The following RIMS2 variants were observed in gnomAD, a reference collection of about 807,000 sequenced individuals.
RIMS2 encodes regulating synaptic membrane exocytosis protein 2.
A neutral mutation model predicts 174.4 loss-of-function variants in RIMS2; 59 were observed. That is an observed-to-expected ratio of 0.34 (90% confidence interval 0.27 to 0.42). The LOEUF (loss-of-function observed/expected upper bound fraction) is 0.42. Among genes scored for constraint, RIMS2 ranks in the 10% least tolerant of loss-of-function variants. The pLI, the probability that RIMS2 is intolerant of heterozygous loss-of-function variation, is 1.00. For synonymous variants in RIMS2, 606 were observed against 572.5 expected (o/e 1.06, Z -0.84); for missense variants, 1,620 against 1,666.3 (o/e 0.97, Z 0.48).
chr8:103,621,047 T>C (rs922731970), intron 1 of RIMS2, among the ~76,000 whole-genome samples: 7 of 152,210 alleles, frequency 4.6e-5, no homozygotes, highest in African/African-American at 1.7e-4. Context: ...TTGAAAAACA[T>C]AGCCAAATAA....
intron 19 of RIMS2, among the ~76,000 whole-genome samples, chr8:104,229,858 C>T (rs1394420815): frequency 1.3e-5 from 2 of 152,188 alleles, no homozygotes; most frequent in Non-Finnish European, 2.9e-5. Flanking sequence ...TAAATTTAGT[C>T]ACCAAAAATG....
chr8:104,169,323 TATATATATATATATATAA>T (rs138551667), intron 19 of RIMS2, among the ~76,000 whole-genome samples: 62,131 of 133,194 alleles, frequency 0.47, 14,687 homozygotes, highest in East Asian at 0.67. Context: ...TATATATATA[TATATATATATATATATAA>T]AACAGATTCA....
chr8:103,790,688 T>C (rs573122455), intron 3 of RIMS2, among the ~76,000 whole-genome samples: 41 of 152,312 alleles, frequency 2.7e-4, no homozygotes, highest in African/African-American at 9.6e-4. Context: ...GCATCTTTTC[T>C]TGTGTTCAAT....
intron 1 of RIMS2, among the ~76,000 whole-genome samples, chr8:103,638,223 G>T (rs1050110425): frequency 5.9e-5 from 9 of 152,168 alleles, no homozygotes; most frequent in East Asian, 3.9e-4. Context: ...TGAAGAAAGG[G>T]TATAAAATAA....
intron 9 of RIMS2, among the ~76,000 whole-genome samples, chr8:103,919,886 A>T (rs187379596): frequency 1.3e-5 from 2 of 152,174 alleles, no homozygotes; most frequent in East Asian, 3.9e-4. Context: ...TATAATTATT[A>T]TAAAATGATA....
intron 19 of RIMS2, among the ~76,000 whole-genome samples, chr8:104,149,572 T>TAG (rs2098672580): frequency 6.6e-6 from 1 of 152,224 alleles, no homozygotes; most frequent in Admixed American, 6.5e-5. Context: ...CAAATGGGTG[T>TAG]AGATAATTAA....
rs990321968 is a variant in RIMS2 at position 104,042,400 on chromosome 8, T to C, written c.3334+27785T>C. ...GGTCAGATGTTTGTTTCTAGAAAGA[T>C]TACTTTGGCAGTTATATAAAAGATG... On this transcript the variant is annotated intron_variant, in intron 19 of 23. Coordinates refer to ENST00000504942, the Ensembl canonical transcript of RIMS2. Among the ~76,000 whole-genome samples the C allele has an allele frequency of 6.6e-5, 10 of 151,720 alleles. No homozygotes were observed. In the East Asian group the frequency reaches 1.7e-3, roughly 26 times the overall value.
intron 1 of RIMS2, among the ~76,000 whole-genome samples, chr8:103,604,166 A>G (rs201327703): frequency 1.4e-4 from 21 of 149,768 alleles, no homozygotes; most frequent in Non-Finnish European, 2.8e-4. Flanking sequence ...ATCTTGAATT[A>G]ATTTTTGTAT....
intron 19 of RIMS2, among the ~76,000 whole-genome samples, chr8:104,054,750 GTTTC>G (rs573779770): frequency 6.6e-4 from 101 of 152,084 alleles, no homozygotes; most frequent in Non-Finnish European, 8.1e-4. Context: ...TTTTAATGAT[GTTTC>G]TTTAAGTATC....
intron 19 of RIMS2, among the ~76,000 whole-genome samples, chr8:104,143,352 A>G (rs962914423): frequency 5.9e-5 from 9 of 152,226 alleles, no homozygotes; most frequent in Non-Finnish European, 8.8e-5. Context: ...AAGTTTTTAC[A>G]TAAAAGGAGA....
chr8:103,954,017 A>C (rs977099025), intron 14 of RIMS2, among the ~76,000 whole-genome samples: 1 of 152,228 alleles, frequency 6.6e-6, no homozygotes, highest in Non-Finnish European at 1.5e-5. Context: ...AGGCCATTAC[A>C]TAATGGTAAA....
intron 17 of RIMS2, among the ~76,000 whole-genome samples, chr8:104,006,927 G>C (rs977743702): frequency 1.3e-5 from 2 of 151,784 alleles, no homozygotes; most frequent in African/African-American, 4.8e-5. Flanking sequence ...AATTTATATG[G>C]TGATTTGTCA....
At chr8:103,724,445 T>C (rs937408554) in intron 2 of RIMS2, among the ~76,000 whole-genome samples, 1 of 152,142 alleles carries the variant, frequency 6.6e-6, no homozygotes, top group African/African-American at 2.4e-5. Flanking sequence ...ATATTTCAGG[T>C]TTTTTCTTTT....
At chr8:103,767,089 C>T (rs1161154800) in intron 3 of RIMS2, among the ~76,000 whole-genome samples, 4 of 152,012 alleles carry the variant, frequency 2.6e-5, no homozygotes, top group African/African-American at 9.7e-5. Flanking sequence ...CTATGGGCTT[C>T]TTCGTGTTCA....
At chr8:103,866,048 T>A (rs748160496) in intron 3 of RIMS2, among the ~76,000 whole-genome samples, 6 of 152,142 alleles carry the variant, frequency 3.9e-5, no homozygotes, top group Non-Finnish European at 8.8e-5. Context: ...CCAGATTAGG[T>A]TTTTTATTCT....
intron 19 of RIMS2, among the ~76,000 whole-genome samples, chr8:104,100,995 A>C (rs934056471): frequency 7.5e-6 from 1 of 133,704 alleles, no homozygotes; most frequent in Admixed American, 7.5e-5. Flanking sequence ...TATATAGTAT[A>C]TGTTATATAT....
chr8:103,562,608 G>T (rs1250455136), intron 1 of RIMS2, among the ~76,000 whole-genome samples: 1 of 152,138 alleles, frequency 6.6e-6, no homozygotes, highest in Non-Finnish European at 1.5e-5. Flanking sequence ...TTTTCCAGGT[G>T]CATGGTGCAA....
chr8:104,062,535 A>G (rs1055913830), intron 19 of RIMS2, among the ~76,000 whole-genome samples: 3 of 152,234 alleles, frequency 2.0e-5, no homozygotes, highest in African/African-American at 7.2e-5. Context: ...AGCAATTTCT[A>G]TACTTAGTTC....
At chr8:104,150,787 T>TA (rs2098683038) in intron 19 of RIMS2, among the ~76,000 whole-genome samples, 1 of 152,190 alleles carries the variant, frequency 6.6e-6, no homozygotes, top group African/African-American at 2.4e-5. Context: ...TAGGAAGTTT[T>TA]AAAAGGTTCT....
Sources: gnomAD v4.1 joint callset for allele counts (sites outside exome capture counted in the v4.1 genomes callset) on GRCh38, gnomAD v4.1.1 for gene constraint, MANE v1.5 for transcripts, NCBI Gene and HGNC (gene_info 2026-07-23, HGNC 2026-07-21) for gene names.